MNAT1: variants seen among roughly 807,000 people sequenced by gnomAD.
The protein encoded by MNAT1 is CDK-activating kinase assembly factor MAT1.
MNAT1 carries 43 observed loss-of-function variants against 42.0 expected under a neutral mutation model. The ratio of observed to expected loss-of-function variants is 1.02; its 90% CI spans 0.80 to 1.32. The LOEUF (loss-of-function observed/expected upper bound fraction) is 1.32, where lower values mean the gene tolerates loss of function less well. MNAT1 is among the 40% of genes most tolerant of loss of function. The pLI, the probability that MNAT1 is intolerant of heterozygous loss-of-function variation, is 0.00. For missense variants in MNAT1, 306 were observed against 350.4 expected (o/e 0.87, Z 1.01); for synonymous variants, 118 against 120.0 (o/e 0.98, Z 0.11).
chr14:60,964,094 A>G (rs2036642444), intron 7 of MNAT1, among the ~76,000 whole-genome samples: 1 of 152,216 alleles, frequency 6.6e-6, no homozygotes, highest in Non-Finnish European at 1.5e-5. Flanking sequence ...AAGCACTCCT[A>G]TGTTAAAGAA....
intron 7 of MNAT1, among the ~76,000 whole-genome samples, chr14:60,881,146 A>G (rs2139465493): frequency 6.6e-6 from 1 of 152,114 alleles, no homozygotes; most frequent in African/African-American, 2.4e-5. Flanking sequence ...AGATTTTCTT[A>G]TGTCCGGGTA....
At chr14:60,860,234 TTGATGA>T (rs762746423) in intron 6 of MNAT1, among the ~76,000 whole-genome samples, 1 of 152,102 alleles carries the variant, frequency 6.6e-6, no homozygotes, top group Non-Finnish European at 1.5e-5. Flanking sequence ...TCTCTTCCTG[TTGATGA>T]TGATGATGAA....
chr14:60,849,344 T>C (rs190787718), intron 6 of MNAT1, among the ~76,000 whole-genome samples: 5 of 152,304 alleles, frequency 3.3e-5, no homozygotes, highest in Non-Finnish European at 1.5e-5. Flanking sequence ...ATTTGGAGGA[T>C]TGCAAATTTA....
chr14:60,874,895 T>A (rs544898949), intron 6 of MNAT1, among the ~76,000 whole-genome samples: 2 of 152,294 alleles, frequency 1.3e-5, no homozygotes, highest in South Asian at 4.1e-4. Context: ...GTTGGTGATT[T>A]TAAAAATTTA....
At chr14:60,963,475 T>C (rs1257540806) in intron 7 of MNAT1, among the ~76,000 whole-genome samples, 1 of 152,228 alleles carries the variant, frequency 6.6e-6, no homozygotes, top group African/African-American at 2.4e-5. Context: ...TTAGTGATAG[T>C]TGTGTGAGCG....
At chr14:60,785,295 A>G (rs2031612599) in intron 1 of MNAT1, among the ~76,000 whole-genome samples, 2 of 152,192 alleles carry the variant, frequency 1.3e-5, no homozygotes, top group Admixed American at 6.5e-5. Context: ...TAATTCAAAA[A>G]TAGTTGTCAA....
intron 1 of MNAT1, among the ~76,000 whole-genome samples, chr14:60,769,014 T>C (rs1397334038): frequency 1.3e-5 from 2 of 152,198 alleles, no homozygotes; most frequent in Admixed American, 1.3e-4. Context: ...TATAGTTTAA[T>C]GAATAATGAA....
intron 1 of MNAT1, among the ~76,000 whole-genome samples, chr14:60,738,509 C>T (rs1428996866): frequency 2.0e-5 from 3 of 152,062 alleles, no homozygotes; most frequent in Non-Finnish European, 2.9e-5. Context: ...CCGCCTCGAT[C>T]CTCCCAAAGT....
intron 1 of MNAT1, among the ~76,000 whole-genome samples, chr14:60,765,008 T>C (rs1232600505): frequency 6.6e-6 from 1 of 152,158 alleles, no homozygotes; most frequent in Non-Finnish European, 1.5e-5. Flanking sequence ...CCCAGCACTT[T>C]GGGAGGCTGA....
chr14:60,758,994 CAG>C (rs2030483337), intron 1 of MNAT1, among the ~76,000 whole-genome samples: 1 of 152,182 alleles, frequency 6.6e-6, no homozygotes, highest in South Asian at 2.1e-4. Flanking sequence ...CCCTGACACA[CAG>C]ACCCCACATC....
chr14:60,926,235 G>A (rs939317965), intron 7 of MNAT1, among the ~76,000 whole-genome samples: 1 of 152,168 alleles, frequency 6.6e-6, no homozygotes, highest in African/African-American at 2.4e-5. Flanking sequence ...TACTTCTGAC[G>A]ACAGGTGTTG....
chr14:60,790,256 A>G (rs974731319), intron 1 of MNAT1, among the ~76,000 whole-genome samples: 1 of 152,192 alleles, frequency 6.6e-6, no homozygotes. Context: ...CCCCAAAATC[A>G]CTAAGCTAAA....
At chr14:60,966,255 G>A (rs546795927) in intron 7 of MNAT1, among the ~76,000 whole-genome samples, 1 of 151,702 alleles carries the variant, frequency 6.6e-6, no homozygotes, top group East Asian at 2.0e-4. Context: ...CAAGTAGCTG[G>A]ATTACAGGCA....
At chr14:60,950,996 G>A (rs543036881) in intron 7 of MNAT1, among the ~76,000 whole-genome samples, 4 of 152,068 alleles carry the variant, frequency 2.6e-5, no homozygotes, top group Non-Finnish European at 5.9e-5. Flanking sequence ...GCCATGGTAC[G>A]TAGAAGAGAG....
intron 6 of MNAT1, among the ~76,000 whole-genome samples, chr14:60,843,164 TTTTTAA>T (rs1334261292): frequency 6.6e-6 from 1 of 152,228 alleles, no homozygotes; most frequent in African/African-American, 2.4e-5. Flanking sequence ...GTTGTCAATC[TTTTTAA>T]TTTTAGTTAT....
intron 7 of MNAT1, among the ~76,000 whole-genome samples, chr14:60,943,052 G>GTTT (rs2036207605): frequency 2.4e-4 from 2 of 8,284 alleles, no homozygotes; most frequent in Non-Finnish European, 3.5e-4. Context: ...GTGTGTGTGC[G>GTTT]CTTTTTTTTT....
rs118035937 is a variant in MNAT1 at position 60,748,649 on chromosome 14, C to G, written c.89+13698C>G. On this transcript the variant is annotated intron_variant, in intron 1 of 7. Coordinates refer to ENST00000261245, the MANE Select transcript of MNAT1 (RefSeq NM_002431.4). ...CAGGATCATCAATATCACTGTCTCC[C>G]CTCTCCACGTTTTTTCTCATTGGAG... Among the ~76,000 whole-genome samples the G allele has an allele frequency of 1.1e-3, 167 of 152,298 alleles. No homozygotes were observed. In the East Asian group the frequency reaches 0.023, roughly 21 times the overall value.
At chr14:60,870,427 G>A (rs4151281) in intron 6 of MNAT1, among the ~76,000 whole-genome samples, 136,730 of 152,154 alleles carry the variant, frequency 0.9, 62,500 homozygotes, top group Non-Finnish European at 0.99. Flanking sequence ...TCAATTATAT[G>A]ACAACAGTAA....
intron 6 of MNAT1, among the ~76,000 whole-genome samples, chr14:60,828,533 T>C (rs1321200201): frequency 7.4e-6 from 1 of 135,910 alleles, no homozygotes; most frequent in African/African-American, 3.1e-5. Flanking sequence ...CCAAAATGTG[T>C]TTTTTTTTTT....
Sources: gnomAD v4.1 joint callset for allele counts (sites outside exome capture counted in the v4.1 genomes callset) on GRCh38, gnomAD v4.1.1 for gene constraint, MANE v1.5 for transcripts, NCBI Gene and HGNC (gene_info 2026-07-23, HGNC 2026-07-21) for gene names.